The following IRAK2 variants were observed in gnomAD, a reference collection of about 807,000 sequenced individuals.
IRAK2 encodes the protein interleukin 1 receptor associated kinase 2, also known as interleukin-1 receptor-associated kinase-like 2.
A neutral mutation model predicts 72.0 loss-of-function variants in IRAK2; 57 were observed. That is an observed-to-expected ratio of 0.79 (90% CI 0.64 to 0.99). The LOEUF is 0.99. Ranked by LOEUF, IRAK2 falls within the 50% of genes least tolerant of loss-of-function variation. The probability of loss-of-function intolerance (pLI) is 0.00; values close to 1 mark genes in which losing one functional copy is unlikely to be tolerated. For missense variants in IRAK2, 790 were observed against 794.4 expected, an observed-to-expected ratio of 0.99 and a Z score of 0.07; for synonymous variants, 293 against 312.7, an observed-to-expected ratio of 0.94 and a Z score of 0.67.
intron 2 of IRAK2, among the ~76,000 whole-genome samples, chr3:10,183,194 ATGTGCC>A (rs1335611501): frequency 6.6e-6 from 1 of 152,146 alleles, no homozygotes; most frequent in Non-Finnish European, 1.5e-5. Flanking sequence ...TCTCCAGGGG[ATGTGCC>A]TGGATGTGAC....
At chr3:10,169,745 A>C (rs1233860000) in intron 1 of IRAK2, among the ~76,000 whole-genome samples, 1 of 152,226 alleles carries the variant, frequency 6.6e-6, no homozygotes, top group South Asian at 2.1e-4. Context: ...TATACAGTTA[A>C]TGCAATCATC....
intron 10 of IRAK2, among the ~76,000 whole-genome samples, chr3:10,231,760 C>T (rs1697864918): frequency 6.6e-6 from 1 of 152,206 alleles, no homozygotes; most frequent in Admixed American, 6.5e-5. Flanking sequence ...AAGCATTCGC[C>T]TGCCTCAACC....
At chr3:10,176,048 C>A (rs898302793) in intron 1 of IRAK2, among the ~76,000 whole-genome samples, 1 of 148,922 alleles carries the variant, frequency 6.7e-6, no homozygotes, top group Non-Finnish European at 1.5e-5. Flanking sequence ...TGTAACTTTT[C>A]CCCCTGTATT....
intron 10 of IRAK2, among the ~76,000 whole-genome samples, chr3:10,228,966 T>C (rs1258122489): frequency 6.6e-6 from 1 of 151,424 alleles, no homozygotes; most frequent in Non-Finnish European, 1.5e-5. Flanking sequence ...AGAGTCTCGC[T>C]CTGTTGCCCA....
At chr3:10,215,851 A>G (rs1483001516) in intron 6 of IRAK2, among the ~76,000 whole-genome samples, 1 of 152,142 alleles carries the variant, frequency 6.6e-6, no homozygotes, top group Non-Finnish European at 1.5e-5. Flanking sequence ...GCTTTCATGG[A>G]GTCGGCAGTC....
At chr3:10,199,403 C>T (rs568567110) in intron 2 of IRAK2, among the ~76,000 whole-genome samples, 8 of 152,334 alleles carry the variant, frequency 5.3e-5, no homozygotes, top group South Asian at 2.1e-4. Context: ...GTTTCCTCAT[C>T]TCTGAACAGG....
chr3:10,216,908 A>T (rs776261943), intron 6 of IRAK2, 26 bp from the exon 7 acceptor site: 1 of 1,550,380 alleles, frequency 6.5e-7, no homozygotes, highest in Non-Finnish European at 8.9e-7. Flanking sequence ...CTGACTCCTC[A>T]CACCTGCACT....
chr3:10,189,171 G>A (rs1697133631), intron 2 of IRAK2, among the ~76,000 whole-genome samples: 1 of 152,222 alleles, frequency 6.6e-6, no homozygotes. Flanking sequence ...GAGAGTGCAA[G>A]ATGAGAGGAT....
rs373089848 is a variant in IRAK2 at position 10,201,282 on chromosome 3, C to T, written c.424+767C>T. On this transcript the variant is annotated intron_variant, in intron 3 of 12. Transcript: ENST00000256458. ...CAACCTGGCTGAGGTCATGTACTGC[C>T]GGGTCCCTGTTTTCACCAGTGGTCT... 1.1e-4 allele frequency among the ~76,000 whole-genome samples: 17 copies of T among 152,336 alleles called. No homozygotes were observed. The East Asian group carries it at 2.1e-3, about 19-fold the overall frequency.
chr3:10,184,876 C>T (rs1176770107), intron 2 of IRAK2, among the ~76,000 whole-genome samples: 2 of 149,804 alleles, frequency 1.3e-5, no homozygotes, highest in East Asian at 3.9e-4. Flanking sequence ...ACTACAGGCG[C>T]CCGCCACCAT....
Position 10,165,020 on chromosome 3 carries a change from G to T in IRAK2, c.66G>T (p.Ala22=), listed in dbSNP as rs748394830. The T allele has an allele frequency of 6.2e-7, 1 of 1,611,448 alleles. No homozygotes were observed. Among genetic ancestry groups the T allele is most frequent in the Non-Finnish European group, 8.5e-7 (1 of 1,179,520 alleles). ...ACGACCTGTGCCGCAACATGGACGC[G>T]CTCAGCGAGTGGGACTGGATGGAGT... ...VLDDLCRNMD[A]LSEWDWMEFA... is the part of the protein sequence containing the mutation. The change falls in exon 1 of 13, where the codon GCG becomes GCT. Residue 22 remains alanine (A), a synonymous_variant. Coordinates refer to ENST00000256458, the MANE Select transcript of IRAK2 (RefSeq NM_001570.4).
chr3:10,226,036 T>C (rs1301915566), intron 9 of IRAK2, among the ~76,000 whole-genome samples: 1 of 152,132 alleles, frequency 6.6e-6, no homozygotes, highest in African/African-American at 2.4e-5. Context: ...CTTTAAAAAA[T>C]AGTGTATATA....
intron 9 of IRAK2, among the ~76,000 whole-genome samples, chr3:10,224,303 C>T (rs576029569): frequency 4.1e-4 from 62 of 150,774 alleles, no homozygotes; most frequent in African/African-American, 1.5e-3. Context: ...CGCCATTGCA[C>T]TCCAGCCTGG....
chr3:10,182,443 C>A (rs1049685080), intron 2 of IRAK2, among the ~76,000 whole-genome samples: 3 of 151,822 alleles, frequency 2.0e-5, no homozygotes, highest in Non-Finnish European at 2.9e-5. Flanking sequence ...CCACCACGCC[C>A]GGCTAATTTT....
At chr3:10,200,638 C>A in intron 3 of IRAK2, 123 bp downstream of exon 3, 1 of 775,260 alleles carries the variant, frequency 1.3e-6, no homozygotes, top group Non-Finnish European at 1.9e-6. Context: ...GTGGCCCATG[C>A]CTATAATCCC....
chr3:10,237,978 ATTCC>A (rs1697993269), intron 11 of IRAK2, among the ~76,000 whole-genome samples: 2 of 141,276 alleles, frequency 1.4e-5, no homozygotes, highest in African/African-American at 5.2e-5. Context: ...AAGAAGAAAC[ATTCC>A]TTCCTTGCTT....
intron 2 of IRAK2, among the ~76,000 whole-genome samples, chr3:10,197,267 C>G (rs1020766066): frequency 6.6e-6 from 1 of 151,772 alleles, no homozygotes; most frequent in Non-Finnish European, 1.5e-5. Context: ...AACCTGTAAT[C>G]CCAGCTACTC....
chr3:10,208,929 C>T (rs188625829), intron 3 of IRAK2, among the ~76,000 whole-genome samples: 9 of 152,212 alleles, frequency 5.9e-5, no homozygotes, highest in Non-Finnish European at 7.4e-5. Context: ...TGTTTGCTAA[C>T]TCATGTACCT....
intron 6 of IRAK2, among the ~76,000 whole-genome samples, chr3:10,214,517 C>T (rs1249967670): frequency 6.7e-6 from 1 of 149,244 alleles, no homozygotes; most frequent in Non-Finnish European, 1.5e-5. Flanking sequence ...AGGTGTGAGC[C>T]ACTGTGCCCT....
Sources: allele counts gnomAD v4.1 joint callset (sites outside exome capture counted in the v4.1 genomes callset), GRCh38; gene constraint gnomAD v4.1.1; transcripts MANE v1.5; gene names NCBI Gene and HGNC (gene_info 2026-07-23, HGNC 2026-07-21).